CPNE5: variants seen among roughly 807,000 people sequenced by gnomAD.
The protein encoded by CPNE5 is copine 5.
CPNE5 carries 42 observed loss-of-function variants against 81.1 expected under a neutral mutation model. The observed-to-expected ratio is 0.52, with a 90% confidence interval of 0.40 to 0.67. The LOEUF (loss-of-function observed/expected upper bound fraction) is 0.67, where lower values mean the gene tolerates loss of function less well. CPNE5 is among the 30% of genes least tolerant of loss of function. CPNE5 has a pLI of 0.00. For missense variants in CPNE5, 612 were observed against 815.5 expected, an observed-to-expected ratio of 0.75 and a Z score of 3.04; for synonymous variants, 313 against 321.5, an observed-to-expected ratio of 0.97 and a Z score of 0.28.
intron 15 of CPNE5, 113 bp downstream of exon 15, chr6:36,748,108 G>A (rs1428069463): frequency 2.4e-4 from 225 of 943,484 alleles, no homozygotes; most frequent in Non-Finnish European, 2.1e-5. Flanking sequence ...CATCCTCTTT[G>A]GTGAGGAAGA....
At chr6:36,790,825 G>A (rs182617201) in intron 8 of CPNE5, among the ~76,000 whole-genome samples, 2 of 152,262 alleles carry the variant, frequency 1.3e-5, no homozygotes, top group Admixed American at 6.5e-5. Context: ...TTACAGGCGT[G>A]AGCCACCGTG....
chr6:36,831,564 G>C (rs1302018866), intron 1 of CPNE5, among the ~76,000 whole-genome samples: 3 of 150,834 alleles, frequency 2.0e-5, no homozygotes, highest in Admixed American at 6.6e-5. Flanking sequence ...ATGTTGGCCA[G>C]GGAGGTGGAG....
chr6:36,744,914 A>T (rs565531324), intron 18 of CPNE5, 134 bp downstream of exon 18: 1 of 667,486 alleles, frequency 1.5e-6, no homozygotes, highest in African/African-American at 1.8e-5. Flanking sequence ...TGAGGCAGGG[A>T]AATGAGAAGC....
At chr6:36,750,690 C>T (rs757791642) in intron 14 of CPNE5, among the ~76,000 whole-genome samples, 38 of 152,186 alleles carry the variant, frequency 2.5e-4, no homozygotes, top group Non-Finnish European at 4.6e-4. Flanking sequence ...GAATGTAGAA[C>T]GCATGTCTTT....
At chr6:36,778,006 C>G (rs936961342) in intron 9 of CPNE5, among the ~76,000 whole-genome samples, 3 of 152,158 alleles carry the variant, frequency 2.0e-5, no homozygotes, top group African/African-American at 7.2e-5. Flanking sequence ...ACCTCCCTGG[C>G]CCCATCGCTT....
At chr6:36,803,173 G>A (rs560424493) in intron 3 of CPNE5, among the ~76,000 whole-genome samples, 10 of 152,160 alleles carry the variant, frequency 6.6e-5, no homozygotes, top group South Asian at 2.1e-4. Flanking sequence ...CAATCTCATC[G>A]GCTAAATCTC....
At chr6:36,825,347 A>G (rs1430194490) in intron 1 of CPNE5, among the ~76,000 whole-genome samples, 1 of 152,112 alleles carries the variant, frequency 6.6e-6, no homozygotes, top group African/African-American at 2.4e-5. Flanking sequence ...AGATTCCTAG[A>G]GATGCCCCCA....
intron 8 of CPNE5, among the ~76,000 whole-genome samples, chr6:36,791,622 A>G (rs1769100181): frequency 6.6e-6 from 1 of 152,114 alleles, no homozygotes; most frequent in African/African-American, 2.4e-5. Context: ...CCTACTCCAG[A>G]GCTGAAAGTG....
chr6:36,824,235 C>T (rs1285077936), intron 1 of CPNE5, among the ~76,000 whole-genome samples: 4 of 152,226 alleles, frequency 2.6e-5, no homozygotes, highest in Non-Finnish European at 1.5e-5. Flanking sequence ...CCGCACTCAA[C>T]CAACAGGAAG....
rs192299687 is a variant in CPNE5 at position 36,815,775 on chromosome 6, G to C, written c.183+6339C>G. On this transcript the variant is annotated intron_variant, in intron 3 of 20. Transcript: ENST00000244751. ...CATCAATTTCAGCTGCTGGTGAAAAGTTTAACAGGCTAATTCTCCTCAAAA... is the reference window on the plus strand; with the variant it reads ...CATCAATTTCAGCTGCTGGTGAAAACTTTAACAGGCTAATTCTCCTCAAAA... Among the ~76,000 whole-genome samples, 617 of 152,360 alleles carry C rather than the reference G, an allele frequency of 4.0e-3. 3 individuals carry two copies. Among genetic ancestry groups the C allele is most frequent in the Non-Finnish European group, 6.3e-3 (429 of 68,036 alleles).
chr6:36,767,503 A>G (rs1168146698), intron 10 of CPNE5, among the ~76,000 whole-genome samples: 1 of 152,182 alleles, frequency 6.6e-6, no homozygotes, highest in East Asian at 1.9e-4. Context: ...TCATGGCCCC[A>G]CAAGGCTGAA....
At chr6:36,826,997 C>T (rs188472103) in intron 1 of CPNE5, among the ~76,000 whole-genome samples, 79 of 152,156 alleles carry the variant, frequency 5.2e-4, no homozygotes, top group Admixed American at 2.1e-3. Context: ...GTCGTTGGCC[C>T]GGTGCTGAGT....
intron 10 of CPNE5, among the ~76,000 whole-genome samples, chr6:36,771,485 C>T (rs535012429): frequency 1.1e-4 from 17 of 152,302 alleles, no homozygotes; most frequent in African/African-American, 3.8e-4. Flanking sequence ...AGTTCCTATA[C>T]ATAAAGCACT....
chr6:36,768,689 G>T (rs985472106), intron 10 of CPNE5, among the ~76,000 whole-genome samples: 6 of 152,348 alleles, frequency 3.9e-5, no homozygotes, highest in Middle Eastern at 3.4e-3. Flanking sequence ...GCACCCAAGA[G>T]AACAGGCTTA....
chr6:36,752,968 C>T, intron 14 of CPNE5, 66 bp downstream of exon 14: 1 of 1,347,360 alleles, frequency 7.4e-7, no homozygotes, highest in Non-Finnish European at 1.1e-6. Flanking sequence ...CAGAGCCGGT[C>T]CTGTCGGTGT....
intron 14 of CPNE5, among the ~76,000 whole-genome samples, chr6:36,749,691 T>A (rs1582712103): frequency 6.7e-6 from 1 of 149,420 alleles, no homozygotes; most frequent in Non-Finnish European, 1.5e-5. Context: ...AAATAAAAAA[T>A]AATAATAAAT....
At position 36,775,703 on chromosome 6, in the gene CPNE5, C is replaced by CT. The variant is rs200296839; in HGVS notation, c.633-639dup. On this transcript the variant is annotated intron_variant, in intron 9 of 20. Transcript: ENST00000244751. ...TCACATCCCCTAGACTCCTCCCAGA[C>CT]TTTTTTTTTTCTATTTCATTTGTCA... 3.9e-4 allele frequency among the ~76,000 whole-genome samples: 58 copies of CT among 150,376 alleles called. No homozygotes were observed. In the South Asian group the frequency reaches 6.1e-3, roughly 16 times the overall value.
chr6:36,764,744 C>T (rs1056351912), intron 11 of CPNE5, among the ~76,000 whole-genome samples: 21 of 152,128 alleles, frequency 1.4e-4, no homozygotes, highest in African/African-American at 5.1e-4. Flanking sequence ...GTCTCACGGC[C>T]CATGAGTCCA....
chr6:36,777,209 G>A (rs171032), intron 9 of CPNE5, among the ~76,000 whole-genome samples: 13,712 of 152,106 alleles, frequency 0.09, 731 homozygotes, highest in Middle Eastern at 0.23. Flanking sequence ...AAGTCCGGCC[G>A]AGTGAGGTCC....
Sources: gnomAD v4.1 joint callset for allele counts (sites outside exome capture counted in the v4.1 genomes callset) on GRCh38, gnomAD v4.1.1 for gene constraint, MANE v1.5 for transcripts, NCBI Gene and HGNC (gene_info 2026-07-23, HGNC 2026-07-21) for gene names.